Variants in PTPRD observed in about 807,000 individuals in gnomAD.
The protein encoded by PTPRD is protein tyrosine phosphatase receptor type D.
In PTPRD, 34 loss-of-function variants were observed where a neutral mutation model predicts 214.5. The ratio of observed to expected loss-of-function variants is 0.16; its 90% CI spans 0.12 to 0.21. The LOEUF is 0.21. Among genes scored for constraint, PTPRD ranks in the 10% least tolerant of loss-of-function variants. The pLI, the probability that PTPRD is intolerant of heterozygous loss-of-function variation, is 1.00. For missense variants in PTPRD, 2,545 were observed against 2,398.7 expected (o/e 1.06, Z -1.27); for synonymous variants, 1,128 against 845.7 (o/e 1.33, Z -5.79).
chr9:9,856,993 C>G (rs1186733819), intron 5 of PTPRD, among the ~76,000 whole-genome samples: 1 of 152,134 alleles, frequency 6.6e-6, no homozygotes, highest in Non-Finnish European at 1.5e-5. Context: ...TATTTTTCCT[C>G]TTTTTGACCT....
At chr9:9,823,578 A>G (rs1341165777) in intron 5 of PTPRD, among the ~76,000 whole-genome samples, 2 of 152,126 alleles carry the variant, frequency 1.3e-5, no homozygotes, top group Non-Finnish European at 2.9e-5. Flanking sequence ...ATCATTTGAA[A>G]CAACATGAAT....
chr9:9,693,406 T>C (rs2097310600), intron 7 of PTPRD, among the ~76,000 whole-genome samples: 1 of 152,144 alleles, frequency 6.6e-6, no homozygotes, highest in Non-Finnish European at 1.5e-5. Flanking sequence ...CCTGCTGCCA[T>C]GTAAGACATG....
At chr9:10,302,164 C>A (rs983162480) in intron 3 of PTPRD, among the ~76,000 whole-genome samples, 1 of 152,130 alleles carries the variant, frequency 6.6e-6, no homozygotes, top group African/African-American at 2.4e-5. Context: ...TCCAGCCAAA[C>A]AAAGCTTCAT....
chr9:9,928,532 GAT>G (rs2085158560), intron 5 of PTPRD, among the ~76,000 whole-genome samples: 1 of 152,048 alleles, frequency 6.6e-6, no homozygotes, highest in Non-Finnish European at 1.5e-5. Context: ...AAAGTAAAGA[GAT>G]ATTTCACTAT....
intron 11 of PTPRD, among the ~76,000 whole-genome samples, chr9:8,756,055 A>G (rs10119880): frequency 0.051 from 7,713 of 152,318 alleles, 489 homozygotes; most frequent in African/African-American, 0.15. Flanking sequence ...AGAGGAAAAG[A>G]TAATGAAACT....
intron 7 of PTPRD, among the ~76,000 whole-genome samples, chr9:9,601,875 T>C (rs2093796983): frequency 6.6e-6 from 1 of 151,982 alleles, no homozygotes; most frequent in Non-Finnish European, 1.5e-5. Context: ...CTAAAGAGGA[T>C]TTAAAGTCTT....
chr9:9,903,471 A>G (rs958409194), intron 5 of PTPRD, among the ~76,000 whole-genome samples: 1 of 152,158 alleles, frequency 6.6e-6, no homozygotes, highest in Non-Finnish European at 1.5e-5. Context: ...GAATTCCATT[A>G]CACACAGATC....
intron 2 of PTPRD, among the ~76,000 whole-genome samples, chr9:10,508,206 C>A (rs1401910436): frequency 3.3e-5 from 5 of 152,138 alleles, no homozygotes; most frequent in Non-Finnish European, 5.9e-5. Context: ...TGCTCATCAG[C>A]ACTGGCCATC....
At chr9:10,329,016 T>G (rs2096700584) in intron 3 of PTPRD, among the ~76,000 whole-genome samples, 1 of 151,784 alleles carries the variant, frequency 6.6e-6, no homozygotes, top group Non-Finnish European at 1.5e-5. Flanking sequence ...ATGATAAAAC[T>G]GATCTTTATT....
At chr9:10,378,108 A>G (rs1287542617) in intron 2 of PTPRD, among the ~76,000 whole-genome samples, 1 of 152,034 alleles carries the variant, frequency 6.6e-6, no homozygotes, top group Non-Finnish European at 1.5e-5. Context: ...AGCATTTTAA[A>G]TGGAGAGAGA....
chr9:9,684,567 G>A (rs1418599194), intron 7 of PTPRD, among the ~76,000 whole-genome samples: 1 of 151,490 alleles, frequency 6.6e-6, no homozygotes, highest in Non-Finnish European at 1.5e-5. Flanking sequence ...TTAATACTTG[G>A]GAGGAGACTG....
rs1004208340 is a variant in PTPRD, at chr9:9,566,983, T to C, written c.-237+7749A>G. On this transcript the variant is annotated intron_variant, in intron 8 of 45. Coordinates refer to ENST00000381196, the MANE Select transcript of PTPRD (RefSeq NM_002839.4). ...AATACTAAGGCAGCAAGGGCACCAA[T>C]TTTACCCTCAAAGTGTGGAAAGTCC... 2.6e-5 allele frequency among the ~76,000 whole-genome samples: 4 copies of C among 151,940 alleles called. No individual in the cohort carries two copies. In the East Asian group the frequency reaches 5.8e-4, roughly 22 times the overall value.
intron 14 of PTPRD, among the ~76,000 whole-genome samples, chr9:8,590,236 AG>A (rs1434797593): frequency 6.6e-6 from 1 of 152,186 alleles, no homozygotes; most frequent in African/African-American, 2.4e-5. Context: ...AAATAGCTCA[AG>A]AAAAAATGAA....
chr9:9,590,386 G>A (rs1463438692), intron 7 of PTPRD, among the ~76,000 whole-genome samples: 1 of 151,916 alleles, frequency 6.6e-6, no homozygotes, highest in Non-Finnish European at 1.5e-5. Context: ...CTGTACCTAT[G>A]ACAGTGTTCA....
intron 11 of PTPRD, among the ~76,000 whole-genome samples, chr9:8,893,694 A>T (rs1357305415): frequency 6.6e-6 from 1 of 152,176 alleles, no homozygotes; most frequent in Non-Finnish European, 1.5e-5. Context: ...GTGCACAAGG[A>T]AGATATAACC....
At chr9:9,424,000 C>A (rs1339437329) in intron 8 of PTPRD, among the ~76,000 whole-genome samples, 1 of 152,152 alleles carries the variant, frequency 6.6e-6, no homozygotes, top group East Asian at 1.9e-4. Context: ...GTATTGGCAA[C>A]TCAAGCCCCT....
At chr9:10,548,668 A>C (rs1220502560) in intron 2 of PTPRD, among the ~76,000 whole-genome samples, 2 of 152,180 alleles carry the variant, frequency 1.3e-5, no homozygotes, top group African/African-American at 4.8e-5. Flanking sequence ...AAGTGGTAGC[A>C]CTGAGTTTCT....
At chr9:9,520,142 A>T (rs911987525) in intron 8 of PTPRD, among the ~76,000 whole-genome samples, 1 of 136,216 alleles carries the variant, frequency 7.3e-6, no homozygotes, top group African/African-American at 2.5e-5. Context: ...TTCTCACCTC[A>T]ATCTATTTTA....
intron 2 of PTPRD, among the ~76,000 whole-genome samples, chr9:10,428,550 C>A (rs1403720067): frequency 6.6e-6 from 1 of 151,938 alleles, no homozygotes; most frequent in Non-Finnish European, 1.5e-5. Flanking sequence ...AGTAAGAAAA[C>A]TTTGGAATAA....
Sources: allele counts gnomAD v4.1 joint callset (sites outside exome capture counted in the v4.1 genomes callset), GRCh38; gene constraint gnomAD v4.1.1; transcripts MANE v1.5; gene names NCBI Gene and HGNC (gene_info 2026-07-23, HGNC 2026-07-21).